ZNF106: variants seen among roughly 807,000 people sequenced by gnomAD.
The protein encoded by ZNF106 is zinc finger protein 106.
A neutral mutation model predicts 195.1 loss-of-function variants in ZNF106; 67 were observed. The ratio of observed to expected loss-of-function variants is 0.34; its 90% CI spans 0.28 to 0.42. The LOEUF is 0.42. Among genes scored for constraint, ZNF106 ranks in the 10% least tolerant of loss-of-function variants. ZNF106 has a pLI of 1.00. For missense variants in ZNF106, 2,118 were observed against 2,304.5 expected (o/e 0.92, Z 1.66); for synonymous variants, 784 against 818.6 (o/e 0.96, Z 0.72).
intron 1 of ZNF106, among the ~76,000 whole-genome samples, chr15:42,480,418 T>C (rs939026587): frequency 2.6e-5 from 4 of 152,244 alleles, no homozygotes; most frequent in Admixed American, 6.5e-5. Context: ...GCATTTGCTT[T>C]TAGCCATTTG....
At chr15:42,486,917 G>A (rs769218855) in intron 1 of ZNF106, among the ~76,000 whole-genome samples, 7 of 152,132 alleles carry the variant, frequency 4.6e-5, no homozygotes, top group Non-Finnish European at 5.9e-5. Context: ...TTGGGAGGCT[G>A]AGGTGGGGGG....
In ZNF106 at chr15:42,451,613, T is replaced by C; in HGVS notation, c.659A>G (p.Asn220Ser). Reference sequence around the variant, plus strand: ...CCAACTGGAATTCCTTCCTGTACCATTATGATTCCAATCTACTGCTCCACT... The same window carrying C: ...CCAACTGGAATTCCTTCCTGTACCACTATGATTCCAATCTACTGCTCCACT... ...SNSGAVDWNHNGTGRNSSWLS... is the reference protein window; with the variant it reads ...SNSGAVDWNHSGTGRNSSWLS... Residue 220 changes from asparagine (N) to serine (S), a missense_variant, in exon 5 of 22, where the codon AAT (asparagine) becomes AGT (serine). Transcript: ENST00000564754. The C allele has an allele frequency of 2.5e-6, 4 of 1,614,186 alleles. No homozygotes were observed. Among genetic ancestry groups the C allele is most frequent in the Non-Finnish European group, 3.4e-6 (4 of 1,180,042 alleles).
rs749599253 is a variant in ZNF106 at position 42,428,127 on chromosome 15, T to A, written c.4889A>T (p.Glu1630Val). Residue 1630 changes from glutamate to valine, a missense_variant, in exon 15 of 22, where the codon GAG (glutamate) becomes GTG (valine). Transcript: ENST00000564754. ...TIRCYNVKSR[E>V]CVEQLQLEDR... ...TTCCAGCTGTAACTGCTCCACACAC[T>A]CTCGGCTCTGATAAAAGCACACAAC... 2.5e-6 allele frequency: 4 copies of A among 1,613,698 alleles called. No homozygotes were observed. The highest frequency in any genetic ancestry group is 2.2e-5 in the East Asian group (1 of 44,874).
At chr15:42,453,404 C>CA (rs2056115988) in intron 4 of ZNF106, among the ~76,000 whole-genome samples, 1 of 152,128 alleles carries the variant, frequency 6.6e-6, no homozygotes, top group African/African-American at 2.4e-5. Context: ...AGCATCACAG[C>CA]AATAGGTGTA....
Position 42,449,929 on chromosome 15 carries a change from G to A in ZNF106, c.2343C>T (p.Arg781=). 2 of 1,614,136 alleles carry A rather than the reference G, an allele frequency of 1.2e-6. No individual in the cohort carries two copies. Among genetic ancestry groups the A allele is most frequent in the South Asian group, 1.1e-5 (1 of 91,080 alleles). The change falls in exon 5 of 22, where the codon CGC becomes CGT. Residue 781 remains arginine, a synonymous_variant. Coordinates refer to ENST00000564754, the MANE Select transcript of ZNF106 (RefSeq NM_001366845.3). ...CACTCTTTCGGTGACCGCTAATATTGCGAATGCGGCGGGCACTATTGAGGT... is the reference window on the plus strand; with the variant it reads ...CACTCTTTCGGTGACCGCTAATATTACGAATGCGGCGGGCACTATTGAGGT... The part of the protein sequence containing the change: ...EPNLNSARRI[R]NISGHRKSET...
chr15:42,468,886 G>A (rs952352237), intron 2 of ZNF106, among the ~76,000 whole-genome samples: 3 of 151,904 alleles, frequency 2.0e-5, no homozygotes, highest in Non-Finnish European at 4.4e-5. Flanking sequence ...ATGAAAAATC[G>A]ATTAATATAC....
At chr15:42,467,891 C>T (rs2056558423) in intron 2 of ZNF106, among the ~76,000 whole-genome samples, 1 of 152,100 alleles carries the variant, frequency 6.6e-6, no homozygotes, top group Non-Finnish European at 1.5e-5. Flanking sequence ...GGGATTCAAA[C>T]CCAGGCAGAT....
intron 13 of ZNF106, among the ~76,000 whole-genome samples, chr15:42,435,946 C>T (rs1423251394): frequency 6.7e-6 from 1 of 148,794 alleles, no homozygotes; most frequent in Admixed American, 6.7e-5. Context: ...TCTAGTGGTT[C>T]TGGTGTTGTT....
chr15:42,490,038 T>TA (rs1039455659), intron 1 of ZNF106, among the ~76,000 whole-genome samples: 10 of 147,852 alleles, frequency 6.8e-5, no homozygotes, highest in Non-Finnish European at 1.3e-4. Context: ...AACTCCGTCC[T>TA]AAAAAAAATA....
At chr15:42,432,420 A>T (rs2055083192) in intron 14 of ZNF106, among the ~76,000 whole-genome samples, 1 of 152,168 alleles carries the variant, frequency 6.6e-6, no homozygotes, top group African/African-American at 2.4e-5. Flanking sequence ...CAGCCTCCCA[A>T]AGTGGGATAC....
intron 15 of ZNF106, chr15:42,427,754 G>A (rs1019729653): frequency 3.2e-6 from 1 of 307,926 alleles, no homozygotes; most frequent in African/African-American, 2.1e-5. Flanking sequence ...TTTAATACAT[G>A]ACTCATTATT....
intron 1 of ZNF106, among the ~76,000 whole-genome samples, chr15:42,483,462 G>A (rs59697584): frequency 0.11 from 17,253 of 152,102 alleles, 1,210 homozygotes; most frequent in African/African-American, 0.19. Flanking sequence ...CTGAATAGCA[G>A]CTGTTCATGA....
rs1423836770 is a variant in ZNF106 at position 42,450,935 on chromosome 15, G to A, written c.1337C>T (p.Ala446Val). The A allele has an allele frequency of 2.5e-6, 4 of 1,614,070 alleles. No homozygotes were observed. Among genetic ancestry groups the A allele is most frequent in the African/African-American group, 1.3e-5 (1 of 74,918 alleles). ...SLNHKASSDS[A>V]ASFEVVRQCP... ...CTGTCTCACCACCTCGAAGGAAGCA[G>A]CGGAATCAGAAGAGGCCTTGTGATT... is the stretch of plus-strand genomic sequence containing the variant. The change falls in exon 5 of 22, where the codon GCT becomes GTT. Residue 446 changes from alanine (A) to valine (V), a missense_variant. Transcript: ENST00000564754.
rs11332297 is a variant in ZNF106, at chr15:42,462,967, G to GT, written c.116+3085dup. Among the ~76,000 whole-genome samples the GT allele has an allele frequency of 9.5e-4, 139 of 145,764 alleles. 1 individual carries two copies. The highest frequency in any genetic ancestry group is 1.7e-3 in the Admixed American group (25 of 14,630). ...CTGGCTTTTTTTTGTTTTGTTTTTTGTTTTTTTTTTTGTAGAGACAGGGGT... is the reference window on the plus strand; with the variant it reads ...CTGGCTTTTTTTTGTTTTGTTTTTTGTTTTTTTTTTTTGTAGAGACAGGGGT... On this transcript the variant is annotated intron_variant, in intron 3 of 21. Transcript: ENST00000564754.
At chr15:42,428,575 T>TC (rs920601767) in intron 14 of ZNF106, among the ~76,000 whole-genome samples, 1 of 152,214 alleles carries the variant, frequency 6.6e-6, no homozygotes, top group African/African-American at 2.4e-5. Flanking sequence ...CCCAAATGTC[T>TC]CCTTCAAACT....
chr15:42,483,935 C>G lies in ZNF106; in HGVS notation c.-33+7045G>C, dbSNP rs567983404. 5.3e-5 allele frequency among the ~76,000 whole-genome samples: 8 copies of G among 152,296 alleles called. No individual in the cohort carries two copies. The East Asian group carries it at 1.5e-3, about 29-fold the overall frequency. The stretch of plus-strand genomic sequence containing the variant: ...CCCTCATCTCCCAGACTAGGTCATA[C>G]CCCTCACTGTGCACTGCTCTTCTGA... On this transcript the variant is annotated intron_variant, in intron 1 of 21. Coordinates refer to ENST00000564754, the MANE Select transcript of ZNF106 (RefSeq NM_001366845.3).
intron 3 of ZNF106, among the ~76,000 whole-genome samples, chr15:42,465,121 G>T (rs2141402529): frequency 6.6e-6 from 1 of 152,290 alleles, no homozygotes. Flanking sequence ...GGTTGGTCTT[G>T]AACTCCTGGG....
chr15:42,418,970 A>G (rs2054555248), intron 20 of ZNF106, among the ~76,000 whole-genome samples: 1 of 151,560 alleles, frequency 6.6e-6, no homozygotes, highest in Non-Finnish European at 1.5e-5. Flanking sequence ...TACACCCTGT[A>G]ATCCCAGCAC....
Position 42,445,072 on chromosome 15 carries a change from G to A in ZNF106, c.3206-91C>T. 8 of 1,448,238 alleles carry A rather than the reference G, an allele frequency of 5.5e-6. No individual in the cohort carries two copies. The South Asian group carries it at 1.1e-4, about 19-fold the overall frequency. 89.7% of individuals were successfully genotyped at this position (1,448,238 alleles called of 1,614,324 possible). A position where few individuals can be genotyped will look rare whatever the true frequency, so the allele number is the denominator to read the frequency against. On this transcript the variant is annotated intron_variant, in intron 7 of 21. Transcript: ENST00000564754. ...AGACTAAACTATACCCATTATTTAG[G>A]ATAAGACTTTATGTTCTCCTCAGTA...
Sources: gnomAD v4.1 joint callset for allele counts (sites outside exome capture counted in the v4.1 genomes callset) on GRCh38, gnomAD v4.1.1 for gene constraint, MANE v1.5 for transcripts, NCBI Gene and HGNC (gene_info 2026-07-23, HGNC 2026-07-21) for gene names.